Variants in OPRM1 observed in about 807,000 individuals in gnomAD.
OPRM1 encodes mu-type opioid receptor.
A neutral mutation model predicts 31.8 loss-of-function variants in OPRM1; 27 were observed. That is an observed-to-expected ratio of 0.85 (90% CI 0.63 to 1.17). The LOEUF is 1.17. Among genes scored for constraint, OPRM1 ranks in the 50% most tolerant of loss-of-function variants. OPRM1 has a pLI of 0.00. For missense variants in OPRM1, 536 were observed against 511.1 expected (o/e 1.05, Z -0.47); for synonymous variants, 196 against 189.9 (o/e 1.03, Z -0.26).
intron 1 of OPRM1, among the ~76,000 whole-genome samples, chr6:154,077,435 A>T (rs996883375): frequency 4.7e-5 from 7 of 149,512 alleles, no homozygotes; most frequent in Non-Finnish European, 8.9e-5. Context: ...CATGTTTTTT[A>T]AAAAACAAAA....
intron 3 of OPRM1, among the ~76,000 whole-genome samples, chr6:154,244,299 TGG>T (rs1166657406): frequency 1.9e-4 from 13 of 68,354 alleles, no homozygotes; most frequent in African/African-American, 4.3e-4. Flanking sequence ...TGTGTGTGGG[TGG>T]GTGTGTGTGT....
chr6:154,195,147 C>CTTTTTT (rs10719288), intron 3 of OPRM1, among the ~76,000 whole-genome samples: 5 of 122,896 alleles, frequency 4.1e-5, no homozygotes, highest in Admixed American at 8.2e-5. Context: ...TCTTTTCTTT[C>CTTTTTT]TTTTTTTTTT....
intron 3 of OPRM1, among the ~76,000 whole-genome samples, chr6:154,147,240 A>G (rs1318093295): frequency 3.3e-5 from 5 of 152,142 alleles, no homozygotes; most frequent in African/African-American, 1.2e-4. Context: ...ATCGCTATCA[A>G]CACCCAGTGG....
In OPRM1 at chr6:154,023,831, G is replaced by A. The variant is rs139721813; in HGVS notation, c.-1+12813G>A. On this transcript the variant is annotated intron_variant, in intron 1 of 5. Transcript: ENST00000434900. ...TCATATGGTTTTTGGCCTTCATTCT[G>A]TTGATACTATGTATCACATTGATTG... Among the ~76,000 whole-genome samples the A allele has an allele frequency of 1.6e-3, 239 of 152,100 alleles. 1 individual carries two copies. Among genetic ancestry groups the A allele is most frequent in the African/African-American group, 5.4e-3 (225 of 41,492 alleles).
At chr6:154,140,166 G>A (rs968032905) in intron 3 of OPRM1, among the ~76,000 whole-genome samples, 9 of 152,124 alleles carry the variant, frequency 5.9e-5, no homozygotes, top group African/African-American at 2.2e-4. Flanking sequence ...GACAGACACT[G>A]ACAGTCTGTC....
intron 3 of OPRM1, among the ~76,000 whole-genome samples, chr6:154,242,823 G>A (rs1486363751): frequency 1.3e-5 from 2 of 152,130 alleles, no homozygotes; most frequent in African/African-American, 2.4e-5. Context: ...GGGAGGCAGA[G>A]GTTGCAGTGA....
chr6:154,099,446 AAGAAAGAG>A (rs1204454086), intron 3 of OPRM1, among the ~76,000 whole-genome samples: 14 of 88,634 alleles, frequency 1.6e-4, no homozygotes, highest in Middle Eastern at 5.7e-3. Flanking sequence ...GGGAGGAAGA[AAGAAAGAG>A]AGAAAGAAAG....
chr6:154,152,347 G>GAAAGAAAGAAAGAAAGGAAA, intron 3 of OPRM1, among the ~76,000 whole-genome samples: 36 of 65,146 alleles, frequency 5.5e-4, no homozygotes, highest in African/African-American at 1.8e-3. Context: ...AAGAAAGAAA[G>GAAAGAAAGAAAGAAAGGAAA]GAAAGAAAGA....
At chr6:154,038,402 G>C (rs1779447580), upstream of OPRM1, among the ~76,000 whole-genome samples, 1 of 152,166 alleles carries the variant, frequency 6.6e-6, no homozygotes, top group Non-Finnish European at 1.5e-5. Flanking sequence ...GGACTTAGAA[G>C]TAAGGTATAA....
Position 154,107,687 on chromosome 6 carries a change from T to C in OPRM1, c.1165-10996T>C, listed in dbSNP as rs111562629. 3,856 of 718,562 alleles carry C rather than the reference T, an allele frequency of 5.4e-3. 94 individuals carry two copies. The African/African-American group carries it at 0.06, about 11-fold the overall frequency. The allele number at this position is 718,562 out of a possible 1,614,324, so 44.5% of individuals were successfully genotyped here. A position where few individuals can be genotyped will look rare whatever the true frequency, so the allele number is the denominator to read the frequency against. On this transcript the variant is annotated intron_variant, in intron 3 of 3. Transcript: ENST00000330432. ...GAGACCAAGAGAAGGTACTGCCGTG[T>C]GGTTAAAAGGTCAAGCTCCCAAGGT...
intron 3 of OPRM1, chr6:154,160,007 A>T: frequency 6.2e-7 from 1 of 1,612,516 alleles, no homozygotes; most frequent in East Asian, 2.2e-5. Context: ...TCATCCAGCA[A>T]CTGGTTAATC....
chr6:154,097,314 T>C (rs554155798), intron 3 of OPRM1, among the ~76,000 whole-genome samples: 1 of 152,328 alleles, frequency 6.6e-6, no homozygotes, highest in African/African-American at 2.4e-5. Context: ...GTATTTGGTT[T>C]AACTGTGAAC....
chr6:154,093,469 C>T (rs199600888), intron 3 of OPRM1: 334 of 1,612,704 alleles, frequency 2.1e-4, no homozygotes, highest in East Asian at 3.6e-4. Context: ...TTCAGTTGCC[C>T]GACACTGCCC....
At chr6:154,066,917 G>A (rs957700227) in intron 1 of OPRM1, among the ~76,000 whole-genome samples, 20 of 152,064 alleles carry the variant, frequency 1.3e-4, no homozygotes, top group Admixed American at 2.6e-4. Flanking sequence ...ATGTTTTTAC[G>A]AACTTGGTCA....
chr6:154,194,755 T>A (rs970815640), intron 3 of OPRM1, among the ~76,000 whole-genome samples: 8 of 152,034 alleles, frequency 5.3e-5, no homozygotes, highest in Admixed American at 5.2e-4. Context: ...AATCTGCAGG[T>A]AACCTAATCA....
intron 3 of OPRM1, among the ~76,000 whole-genome samples, chr6:154,195,337 TG>T (rs1776520104): frequency 1.3e-5 from 2 of 151,882 alleles, no homozygotes; most frequent in Non-Finnish European, 2.9e-5. Flanking sequence ...TTAATAGAGA[TG>T]GGGTTTCACC....
At position 154,093,123 on chromosome 6, in the gene OPRM1, T is replaced by C. The variant is rs1335130886; in HGVS notation, c.1164+1651T>C. On this transcript the variant is annotated intron_variant, in intron 3 of 3. Coordinates refer to ENST00000330432, the MANE Select transcript of OPRM1 (RefSeq NM_000914.5). ...TAAAAGGGCAGGGATTTAAATAGATTTTCACCAACCTGGGGATAACATGTT... is the reference window on the plus strand; with the variant it reads ...TAAAAGGGCAGGGATTTAAATAGATCTTCACCAACCTGGGGATAACATGTT... 9.2e-6 allele frequency: 6 copies of C among 651,720 alleles called. No homozygotes were observed. In the African/African-American group the frequency reaches 1.1e-4, roughly 12 times the overall value. 40.4% of individuals were successfully genotyped at this position (651,720 alleles called of 1,614,324 possible).
At chr6:154,107,185 A>T (rs1583575947) in intron 3 of OPRM1, among the ~76,000 whole-genome samples, 1 of 152,202 alleles carries the variant, frequency 6.6e-6, no homozygotes, top group Non-Finnish European at 1.5e-5. Flanking sequence ...AAGAATGGGG[A>T]CAGGAAAGGG....
intron 1 of OPRM1, among the ~76,000 whole-genome samples, chr6:154,028,366 C>A (rs1778820200): frequency 6.6e-6 from 1 of 152,142 alleles, no homozygotes; most frequent in African/African-American, 2.4e-5. Flanking sequence ...ACGAAGTCCT[C>A]CCCACTCTTC....
Sources: gnomAD v4.1 joint callset for allele counts (sites outside exome capture counted in the v4.1 genomes callset) on GRCh38, gnomAD v4.1.1 for gene constraint, MANE v1.5 for transcripts, NCBI Gene and HGNC (gene_info 2026-07-23, HGNC 2026-07-21) for gene names.